LCORL: variants seen among roughly 807,000 people sequenced by gnomAD.
LCORL encodes the protein ligand-dependent nuclear receptor corepressor-like protein.
A neutral mutation model predicts 141.8 loss-of-function variants in LCORL; 41 were observed. The observed-to-expected ratio is 0.29, with a 90% CI of 0.23 to 0.38. The LOEUF is 0.38. Ranked by LOEUF, LCORL falls within the 10% of genes least tolerant of loss-of-function variation. The pLI, the probability that LCORL is intolerant of heterozygous loss-of-function variation, is 1.00. For synonymous variants in LCORL, 618 were observed against 694.1 expected, an observed-to-expected ratio of 0.89 and a Z score of 1.72; for missense variants, 1,759 against 2,035.0, an observed-to-expected ratio of 0.86 and a Z score of 2.61.
chr4:18,001,296 A>C (rs1249893360), intron 1 of LCORL, among the ~76,000 whole-genome samples: 1 of 98,964 alleles, frequency 1.0e-5, no homozygotes, highest in Non-Finnish European at 2.0e-5. Context: ...AAGTATTAAT[A>C]GATAGTCAAT....
chr4:17,915,248 A>G (rs1733212093), intron 4 of LCORL, among the ~76,000 whole-genome samples: 1 of 152,192 alleles, frequency 6.6e-6, no homozygotes, highest in Admixed American at 6.5e-5. Flanking sequence ...TCCTGCAAGC[A>G]GCCAAATGTG....
intron 5 of LCORL, among the ~76,000 whole-genome samples, chr4:17,888,753 AAG>A (rs1365053935): frequency 4.6e-5 from 7 of 152,158 alleles, no homozygotes; most frequent in Non-Finnish European, 1.0e-4. Flanking sequence ...TAAAAGGAGA[AAG>A]AAATGTTTCC....
intron 1 of LCORL, among the ~76,000 whole-genome samples, chr4:18,010,265 G>A (rs1209505638): frequency 6.6e-6 from 1 of 151,838 alleles, no homozygotes; most frequent in Non-Finnish European, 1.5e-5. Context: ...ATAGGCCTGT[G>A]GAAAATCTAG....
intron 4 of LCORL, among the ~76,000 whole-genome samples, chr4:17,934,616 TG>T (rs1490048382): frequency 6.6e-6 from 1 of 152,144 alleles, no homozygotes; most frequent in Non-Finnish European, 1.5e-5. Flanking sequence ...AAAGGTGTGT[TG>T]AAGACAAATT....
chr4:18,014,025 C>T (rs1280562962), intron 1 of LCORL, among the ~76,000 whole-genome samples: 1 of 152,046 alleles, frequency 6.6e-6, no homozygotes, highest in African/African-American at 2.4e-5. Context: ...CAAGGCTGGT[C>T]TCCAACTCCT....
At chr4:17,916,148 TG>T (rs1190092456) in intron 4 of LCORL, among the ~76,000 whole-genome samples, 2 of 152,196 alleles carry the variant, frequency 1.3e-5, no homozygotes, top group Non-Finnish European at 2.9e-5. Context: ...TCACCATGAT[TG>T]CGTCCTTGAC....
chr4:17,958,686 G>A (rs1406734521), intron 4 of LCORL, among the ~76,000 whole-genome samples: 5 of 151,822 alleles, frequency 3.3e-5, no homozygotes, highest in Non-Finnish European at 7.4e-5. Flanking sequence ...TCTTCAAAAC[G>A]AACAAAGGAA....
intron 4 of LCORL, among the ~76,000 whole-genome samples, chr4:17,959,348 C>T (rs1043303652): frequency 2.0e-5 from 3 of 152,008 alleles, no homozygotes; most frequent in African/African-American, 7.2e-5. Flanking sequence ...CTAGGTGCTC[C>T]TCACACAGAA....
exon 7 of LCORL, chr4:17,876,952 T>C (rs1726986828): frequency 2.4e-6 from 3 of 1,230,792 alleles, no homozygotes; most frequent in Non-Finnish European, 2.0e-6. Flanking sequence ...TGAAGTCTTT[T>C]AGAATTTTGT....
At chr4:17,972,651 A>T (rs1281390713) in intron 2 of LCORL, among the ~76,000 whole-genome samples, 169 bp downstream of exon 2, 1 of 151,644 alleles carries the variant, frequency 6.6e-6, no homozygotes, top group East Asian at 1.9e-4. Context: ...TTTTTTAAAA[A>T]TATGGTATGT....
intron 4 of LCORL, among the ~76,000 whole-genome samples, chr4:17,947,068 A>G (rs140813084): frequency 8.1e-4 from 123 of 152,152 alleles, no homozygotes; most frequent in African/African-American, 2.8e-3. Context: ...TCCCATGTTC[A>G]TTGTAGCATT....
intron 4 of LCORL, among the ~76,000 whole-genome samples, chr4:17,931,338 AATCTTT>A: frequency 6.6e-6 from 1 of 152,016 alleles, no homozygotes; most frequent in East Asian, 1.9e-4. Context: ...TTTTTGCTTT[AATCTTT>A]ATTATTTCCT....
intron 1 of LCORL, 29 bp from the exon 2 acceptor site, chr4:17,972,914 T>C: frequency 3.7e-6 from 4 of 1,075,148 alleles, no homozygotes; most frequent in Non-Finnish European, 5.1e-6. Context: ...AAAAGTATAT[T>C]AACTACTAGA....
At chr4:17,854,531 A>C (rs974487686) in intron 7 of LCORL, among the ~76,000 whole-genome samples, 2 of 152,168 alleles carry the variant, frequency 1.3e-5, no homozygotes, top group African/African-American at 4.8e-5. Context: ...GACAGATAAT[A>C]CAATCGTTTA....
intron 1 of LCORL, among the ~76,000 whole-genome samples, chr4:18,013,093 A>G (rs763635498): frequency 1.3e-5 from 2 of 152,102 alleles, no homozygotes; most frequent in Non-Finnish European, 2.9e-5. Context: ...AACAATGTAC[A>G]CTTCCCTGTT....
At position 17,884,712 on chromosome 4, in the gene LCORL, C is replaced by T. The variant is rs373453284; in HGVS notation, c.776+1356G>A. ...GAGAGCAAACCATCTGCAAACTCAGCACTTCTTTCCACATAGTCCTCTCTG... is the reference window on the plus strand; with the variant it reads ...GAGAGCAAACCATCTGCAAACTCAGTACTTCTTTCCACATAGTCCTCTCTG... On this transcript the variant is annotated intron_variant, in intron 6 of 7. Transcript: ENST00000635767. This position sits in a 1 kb window ranked among gnomAD's most constrained non-coding sequence, Gnocchi z 4.4. The T allele has an allele frequency of 1.3e-6, 2 of 1,502,464 alleles. No homozygotes were observed. Among genetic ancestry groups the T allele is most frequent in the African/African-American group, 2.8e-5 (2 of 70,486 alleles). 93.1% of individuals were successfully genotyped at this position (1,502,464 alleles called of 1,614,324 possible).
In LCORL at chr4:17,883,498, G is replaced by A. The variant is rs541755466; in HGVS notation, c.776+2570C>T. Reference sequence around the variant, plus strand: ...AATACAAACTATCAGAATTAAGTAAGCAACTATATAATTCTGTCCACAGTG... The same window carrying A: ...AATACAAACTATCAGAATTAAGTAAACAACTATATAATTCTGTCCACAGTG... On this transcript the variant is annotated intron_variant, in intron 6 of 7. Transcript: ENST00000635767. 40 of 1,248,036 alleles carry A rather than the reference G, an allele frequency of 3.2e-5. No individual in the cohort carries two copies. In the African/African-American group the frequency reaches 6.2e-4, roughly 19 times the overall value. The allele number at this position is 1,248,036 out of a possible 1,614,324, so 77.3% of individuals were successfully genotyped here.
At chr4:18,000,076 A>T (rs1721667638) in intron 1 of LCORL, among the ~76,000 whole-genome samples, 2 of 152,046 alleles carry the variant, frequency 1.3e-5, no homozygotes, top group Non-Finnish European at 1.5e-5. Context: ...AACAAAACAA[A>T]GACAGAGAGT....
intron 4 of LCORL, among the ~76,000 whole-genome samples, chr4:17,914,648 A>C (rs941423287): frequency 3.3e-5 from 5 of 152,218 alleles, no homozygotes; most frequent in African/African-American, 9.7e-5. Context: ...ACTACAAAAA[A>C]GCAAATAACT....
Sources: allele counts gnomAD v4.1 joint callset (sites outside exome capture counted in the v4.1 genomes callset), GRCh38; gene constraint gnomAD v4.1.1; non-coding constraint Gnocchi (gnomAD v3.1); transcripts MANE v1.5; gene names NCBI Gene and HGNC (gene_info 2026-07-23, HGNC 2026-07-21).